Variants in OPN5 observed in about 807,000 individuals in gnomAD.
OPN5 encodes opsin-5.
A neutral mutation model predicts 41.7 loss-of-function variants in OPN5; 18 were observed. The ratio of observed to expected loss-of-function variants is 0.43; its 90% confidence interval spans 0.30 to 0.64. The LOEUF is 0.64. Among genes scored for constraint, OPN5 ranks in the 30% least tolerant of loss-of-function variants. The pLI is 0.13. For synonymous variants in OPN5, 178 were observed against 164.3 expected (o/e 1.08, Z -0.64); for missense variants, 318 against 434.5 (o/e 0.73, Z 2.38).
At chr6:47,825,806 C>T (rs1348841621), downstream of OPN5, 2 of 152,252 alleles carry the variant, frequency 1.3e-5, no homozygotes, top group African/African-American at 4.8e-5. Context: ...AGAGATGATA[C>T]TTGCCTCTGG....
At chr6:47,799,191 G>A (rs1320371964) in intron 4 of OPN5, among the ~76,000 whole-genome samples, 1 of 137,884 alleles carries the variant, frequency 7.3e-6, no homozygotes, top group African/African-American at 2.8e-5. Flanking sequence ...AAACAGAGGT[G>A]TGATGTATAT....
intron 4 of OPN5, among the ~76,000 whole-genome samples, chr6:47,805,816 G>A (rs1773937276): frequency 6.6e-6 from 1 of 152,190 alleles, no homozygotes; most frequent in African/African-American, 2.4e-5. Flanking sequence ...AACTTGTCAT[G>A]ACCCTGATGT....
chr6:47,816,125 C>T (rs1762421645), intron 6 of OPN5, among the ~76,000 whole-genome samples: 1 of 152,128 alleles, frequency 6.6e-6, no homozygotes, highest in South Asian at 2.1e-4. Context: ...ATACTGCATT[C>T]ACTCATTCAG....
intron 3 of OPN5, chr6:47,794,619 T>C (rs1023832429): frequency 1.3e-5 from 2 of 152,268 alleles, no homozygotes; most frequent in African/African-American, 4.8e-5. Flanking sequence ...CTACCTAGAT[T>C]CTCTGCCTCT....
At chr6:47,784,487 G>A (rs1212824532) in intron 1 of OPN5, among the ~76,000 whole-genome samples, 11 of 152,088 alleles carry the variant, frequency 7.2e-5, no homozygotes, top group East Asian at 3.9e-4. Context: ...TAGTAGAGAC[G>A]GGGTTTCGCC....
At chr6:47,808,820 G>A (rs1456276343) in intron 5 of OPN5, among the ~76,000 whole-genome samples, 2 of 152,182 alleles carry the variant, frequency 1.3e-5, no homozygotes, top group Admixed American at 6.5e-5. Flanking sequence ...GGCGGGCAGA[G>A]GAAGGAAGGG....
chr6:47,795,496 C>T lies in OPN5; in HGVS notation c.689C>T (p.Ser230Phe), dbSNP rs778780427. ...ATCATTGCCAAGGTTAAGTCCTCTTCCAAAGAAGTAGCTCATTTCGACAGT... is the reference window on the plus strand; with the variant it reads ...ATCATTGCCAAGGTTAAGTCCTCTTTCAAAGAAGTAGCTCATTTCGACAGT... Residue 230 changes from serine to phenylalanine, a missense_variant, in exon 4 of 7, where the codon TCC becomes TTC. Physicochemically the swap from Ser to Phe is radical, Grantham distance 155. Transcript: ENST00000371211. 10 of 1,614,006 alleles carry T rather than the reference C, an allele frequency of 6.2e-6. No homozygotes were observed. Among genetic ancestry groups the T allele is most frequent in the South Asian group, 5.5e-5 (5 of 91,090 alleles).
intron 2 of OPN5, among the ~76,000 whole-genome samples, chr6:47,788,543 T>G (rs1371124770): frequency 6.6e-6 from 1 of 152,224 alleles, no homozygotes; most frequent in Non-Finnish European, 1.5e-5. Context: ...ACAACAGGTT[T>G]CACTAACCCA....
chr6:47,822,169 C>T (rs1404002902), intron 6 of OPN5, among the ~76,000 whole-genome samples: 1 of 149,940 alleles, frequency 6.7e-6, no homozygotes, highest in Admixed American at 6.6e-5. Context: ...ATACACTCCA[C>T]AGTTTGAGAA....
At chr6:47,813,101 C>A (rs1370479013) in intron 6 of OPN5, among the ~76,000 whole-genome samples, 1 of 113,650 alleles carries the variant, frequency 8.8e-6, no homozygotes, top group Non-Finnish European at 2.1e-5. Flanking sequence ...ACAACAACAA[C>A]AACAACAACA....
chr6:47,782,912 C>A (rs988721211), intron 1 of OPN5, among the ~76,000 whole-genome samples: 6 of 151,972 alleles, frequency 3.9e-5, no homozygotes, highest in African/African-American at 1.5e-4. Flanking sequence ...ATACTGAAGG[C>A]TCAGTACAAC....
intron 4 of OPN5, among the ~76,000 whole-genome samples, chr6:47,801,272 A>T (rs2113973945): frequency 6.6e-6 from 1 of 152,382 alleles, no homozygotes; most frequent in East Asian, 1.9e-4. Context: ...GAATAAACTA[A>T]GTTAATCTAA....
chr6:47,815,712 A>G (rs1404115258), intron 6 of OPN5, among the ~76,000 whole-genome samples: 1 of 152,118 alleles, frequency 6.6e-6, no homozygotes, highest in African/African-American at 2.4e-5. Flanking sequence ...AACACATTTA[A>G]GGGCATGCCC....
At chr6:47,803,289 A>T (rs1294766289) in intron 4 of OPN5, among the ~76,000 whole-genome samples, 1 of 152,158 alleles carries the variant, frequency 6.6e-6, no homozygotes, top group Admixed American at 6.6e-5. Flanking sequence ...CCTGCTTGCC[A>T]CTGGTAGAAT....
rs77809545 is a variant in OPN5, at chr6:47,823,831, G to T, written c.1057-152G>T. 2.2e-3 allele frequency among the ~76,000 whole-genome samples: 331 copies of T among 152,204 alleles called. 2 individuals are homozygous for T. The highest frequency in any genetic ancestry group is 7.4e-3 in the African/African-American group (309 of 41,530). On this transcript the variant is annotated intron_variant, in intron 6 of 6. Coordinates refer to ENST00000371211, the Ensembl canonical transcript of OPN5. Reference sequence around the variant, plus strand: ...CCTGCAAAGAGGACTCTGTGGGTTCGGGGAGAAGCCATCTCAGTGACAATG... The same window carrying T: ...CCTGCAAAGAGGACTCTGTGGGTTCTGGGAGAAGCCATCTCAGTGACAATG...
chr6:47,806,810 G>A (rs1424274958), intron 4 of OPN5, among the ~76,000 whole-genome samples: 1 of 152,026 alleles, frequency 6.6e-6, no homozygotes, highest in African/African-American at 2.4e-5. Flanking sequence ...CCTTTACTTT[G>A]TTTCACCACT....
intron 1 of OPN5, among the ~76,000 whole-genome samples, 179 bp downstream of exon 1, chr6:47,782,375 CTT>C (rs1275358402): frequency 6.6e-6 from 1 of 152,106 alleles, no homozygotes; most frequent in Non-Finnish European, 1.5e-5. Flanking sequence ...AGAAATGACT[CTT>C]TATTATCATT....
chr6:47,792,982 GT>G (rs11409547), intron 3 of OPN5, among the ~76,000 whole-genome samples: 24,149 of 137,982 alleles, frequency 0.18, 2,173 homozygotes, highest in Non-Finnish European at 0.2. Context: ...CCAGCACTAC[GT>G]TTTTTTTTTT....
intron 2 of OPN5, among the ~76,000 whole-genome samples, chr6:47,787,639 C>T (rs946001371): frequency 2.0e-5 from 3 of 152,224 alleles, no homozygotes; most frequent in East Asian, 1.9e-4. Flanking sequence ...CAGTGGCTTG[C>T]ACCTGTAATC....
Sources: gnomAD v4.1 joint callset for allele counts (sites outside exome capture counted in the v4.1 genomes callset) on GRCh38, gnomAD v4.1.1 for gene constraint, MANE v1.5 for transcripts, NCBI Gene and HGNC (gene_info 2026-07-23, HGNC 2026-07-21) for gene names.